Variants in LONRF3 observed in about 807,000 individuals in gnomAD.
LONRF3 encodes the protein LON peptidase N-terminal domain and RING finger protein 3.
Under a neutral mutation model 51.7 loss-of-function variants are expected in LONRF3, and 19 were observed. The observed-to-expected ratio is 0.37, with a 90% CI of 0.26 to 0.54. The LOEUF (loss-of-function observed/expected upper bound fraction) is 0.54. Among genes scored for constraint, LONRF3 ranks in the 20% least tolerant of loss-of-function variants. LONRF3 has a pLI of 0.86. For missense variants in LONRF3, 521 were observed against 623.9 expected (o/e 0.84, Z 1.76); for synonymous variants, 265 against 257.8 (o/e 1.03, Z -0.27).
intron 5 of LONRF3, among the ~76,000 whole-genome samples, chrX:119,001,183 TTCTCTCTGTCTC>T (rs1924292968): frequency 8.9e-6 from 1 of 112,121 alleles, no homozygotes; most frequent in African/African-American, 3.2e-5. Flanking sequence ...TCTAGTCAAG[TTCTCTCTGTCTC>T]TCTCTTTTTC....
At chrX:118,981,831 AG>A (rs1322996271) in intron 2 of LONRF3, among the ~76,000 whole-genome samples, 5 of 112,122 alleles carry the variant, frequency 4.5e-5, no homozygotes, top group African/African-American at 9.7e-5. Context: ...CATGTTAGAA[AG>A]GGGGGCAGGG....
chrX:119,015,831 T>C (rs920994352), intron 10 of LONRF3, among the ~76,000 whole-genome samples: 2 of 112,421 alleles, frequency 1.8e-5, no homozygotes, highest in Non-Finnish European at 3.8e-5. Flanking sequence ...CATCCCAGTT[T>C]GCTCCAGTCA....
intron 4 of LONRF3, 75 bp from the exon 5 acceptor site, chrX:118,990,395 A>G: frequency 2.5e-6 from 2 of 793,037 alleles, no homozygotes; most frequent in South Asian, 4.4e-5. Flanking sequence ...AACGCATTGG[A>G]TTATTTTGCC....
At chrX:119,012,814 A>G in intron 8 of LONRF3, 1 of 936,441 alleles carries the variant, frequency 1.1e-6, no homozygotes, top group East Asian at 3.4e-5. Flanking sequence ...GGCACAGCAC[A>G]TAGTATGTGC....
intron 3 of LONRF3, chrX:118,987,056 C>T: frequency 8.7e-7 from 1 of 1,153,006 alleles, no homozygotes; most frequent in Non-Finnish European, 1.1e-6. Flanking sequence ...AAGTTACCAG[C>T]CATAATCTAC....
At chrX:118,983,755 T>G (rs769360659) in intron 3 of LONRF3, among the ~76,000 whole-genome samples, 2 of 112,197 alleles carry the variant, frequency 1.8e-5, no homozygotes, top group Non-Finnish European at 1.9e-5. Flanking sequence ...TTACGGTTTC[T>G]GTCCCAGTGT....
At chrX:118,986,813 C>T (rs1443176267) in intron 3 of LONRF3, 2 of 642,494 alleles carry the variant, frequency 3.1e-6, no homozygotes, top group African/African-American at 2.2e-5. Context: ...TCCAAGGCTT[C>T]CTCCCTGGAG....
intron 5 of LONRF3, among the ~76,000 whole-genome samples, chrX:118,994,023 G>A (rs1737656768): frequency 8.9e-6 from 1 of 112,111 alleles, no homozygotes; most frequent in African/African-American, 3.2e-5. Flanking sequence ...GCTAAAAGGA[G>A]CTCTAAATCT....
intron 5 of LONRF3, among the ~76,000 whole-genome samples, chrX:119,001,952 A>T (rs1001293015): frequency 1.8e-5 from 2 of 112,572 alleles, no homozygotes; most frequent in Non-Finnish European, 3.8e-5. Flanking sequence ...AATCATCTTC[A>T]TCATTAGTAC....
chrX:118,987,010 C>G (rs929189727), intron 3 of LONRF3: 13 of 1,150,060 alleles, frequency 1.1e-5, no homozygotes, highest in Non-Finnish European at 1.5e-5. Context: ...GCACCTCACC[C>G]TAGATTAAAG....
rs1468553049 is a variant in LONRF3 at position 119,005,057 on chromosome X, GCTT to G, written c.1416-1058_1416-1056del. ...TCAAGTACTTTTCAGCTGGCATGTT[GCTT>G]CTTCTACTCAGTCTGGCAGTGCTGG... On this transcript the variant is annotated intron_variant, in intron 5 of 10. Coordinates refer to ENST00000371628, the MANE Select transcript of LONRF3 (RefSeq NM_001031855.3). Among the ~76,000 whole-genome samples the G allele has an allele frequency of 1.6e-4, 18 of 112,290 alleles. 1 individual carries two copies. The highest frequency in any genetic ancestry group is 4.7e-4 in the Admixed American group (5 of 10,630).
rs1924867377 is a variant in LONRF3, at chrX:119,008,272, A to T, written c.1531-854A>T. ...ACACAGCCCATACTGAGAAAGGAAC[A>T]AAATTGTTTGAAGCCAACAGTTTTA... On this transcript the variant is annotated intron_variant, in intron 6 of 10. Coordinates refer to ENST00000371628, the MANE Select transcript of LONRF3 (RefSeq NM_001031855.3). Among the ~76,000 whole-genome samples the T allele has an allele frequency of 2.7e-5, 3 of 112,681 alleles. No homozygotes were observed. The South Asian group carries it at 1.1e-3, about 41-fold the overall frequency.
rs1178107741 is a variant in LONRF3, at chrX:118,975,801, CTGTGTT to C, written c.817+211_817+216del. The stretch of plus-strand genomic sequence containing the variant: ...GTTTTCACTGCTTATCTGTGTTTCA[CTGTGTT>C]TGTGTTGATCTCGGTTGCTTTTTGT... On this transcript the variant is annotated intron_variant, in intron 1 of 10. Transcript: ENST00000371628. Among the ~76,000 whole-genome samples, 175 of 110,143 alleles carry C rather than the reference CTGTGTT, an allele frequency of 1.6e-3. 1 individual carries two copies. Among genetic ancestry groups the C allele is most frequent in the African/African-American group, 5.2e-3 (157 of 30,241 alleles).
At chrX:118,982,354 T>C (rs1319179639) in intron 2 of LONRF3, among the ~76,000 whole-genome samples, 4 of 111,603 alleles carry the variant, frequency 3.6e-5, no homozygotes, top group Non-Finnish European at 7.5e-5. Flanking sequence ...TGAAAACTGA[T>C]CAGTTAGTGT....
intron 10 of LONRF3, 106 bp from the exon 11 acceptor site, chrX:119,017,429 A>T: frequency 1.3e-6 from 1 of 782,250 alleles, no homozygotes; most frequent in South Asian, 3.4e-5. Context: ...GCAATCTGCC[A>T]CATGGAGTTG....
chrX:119,000,775 TTCTCTCTCTCTCTCTC>T (rs200671696), intron 5 of LONRF3, among the ~76,000 whole-genome samples: 734 of 55,734 alleles, frequency 0.013, 4 homozygotes, highest in South Asian at 0.015. Flanking sequence ...TTCACTCTCA[TTCTCTCTCTCTCTCTC>T]TCTCTCTCTC....
At chrX:119,012,052 C>T (rs766358542) in intron 8 of LONRF3, 79 bp downstream of exon 8, 390 of 1,035,721 alleles carry the variant, frequency 3.8e-4, no homozygotes, top group Middle Eastern at 8.8e-4. Context: ...TCCCAGGAGA[C>T]AGGGAGGCCT....
At position 118,987,032 on chromosome X, in the gene LONRF3, G is replaced by A. The variant is rs765142590; in HGVS notation, c.1060-2376G>A. Reference sequence around the variant, plus strand: ...ACCCTAGATTAAAGGAAAACGTAGAGTCAATGACTACTGAAGTTACCAGCC... The same window carrying A: ...ACCCTAGATTAAAGGAAAACGTAGAATCAATGACTACTGAAGTTACCAGCC... On this transcript the variant is annotated intron_variant, in intron 3 of 10. Transcript: ENST00000371628. 5.2e-6 allele frequency: 6 copies of A among 1,153,182 alleles called. No homozygotes were observed. In the South Asian group the frequency reaches 1.1e-4, roughly 22 times the overall value.
chrX:119,007,343 T>G (rs1434976336), intron 6 of LONRF3, among the ~76,000 whole-genome samples: 1 of 111,606 alleles, frequency 9.0e-6, no homozygotes, highest in East Asian at 2.8e-4. Flanking sequence ...TTCAGTGTGA[T>G]CCTTGTCCAA....
Sources: allele counts gnomAD v4.1 joint callset (sites outside exome capture counted in the v4.1 genomes callset), GRCh38; gene constraint gnomAD v4.1.1; transcripts MANE v1.5; gene names NCBI Gene and HGNC (gene_info 2026-07-23, HGNC 2026-07-21).